Variants in GABRE observed in about 807,000 individuals in gnomAD.
GABRE encodes the protein gamma-aminobutyric acid type A receptor subunit epsilon, also known as gamma-aminobutyric acid receptor subunit epsilon.
In GABRE, 20 loss-of-function variants were observed where a neutral mutation model predicts 31.0. That is an observed-to-expected ratio of 0.64 (90% CI 0.45 to 0.94). GABRE has a LOEUF of 0.94. Ranked by LOEUF, GABRE falls within the 40% of genes least tolerant of loss-of-function variation. GABRE has a pLI of 0.00. For missense variants in GABRE, 420 were observed against 410.7 expected (o/e 1.02, Z -0.20); for synonymous variants, 155 against 150.6 (o/e 1.03, Z -0.21).
chrX:151,963,805 CAT>C (rs776580830), intron 3 of GABRE, among the ~76,000 whole-genome samples: 3 of 112,290 alleles, frequency 2.7e-5, no homozygotes, highest in East Asian at 2.8e-4. Context: ...TTCATTAGCA[CAT>C]GTTTCAGGTT....
Position 151,974,671 on chromosome X carries a change from C to T in GABRE, c.-46G>A, listed in dbSNP as rs771298867. Reference sequence around the variant, plus strand: ...CCACCTGCGCGGAGGTCGCGGCTCACGCTCTGGCCGCACTGAGCGCGGGGC... The same window carrying T: ...CCACCTGCGCGGAGGTCGCGGCTCATGCTCTGGCCGCACTGAGCGCGGGGC... On this transcript the variant is annotated 5_prime_UTR_variant, in exon 1 of 9. The change creates a new upstream start codon in the 5' untranslated region. Coordinates refer to ENST00000370328, the MANE Select transcript of GABRE (RefSeq NM_004961.4). 25 of 988,722 alleles carry T rather than the reference C, an allele frequency of 2.5e-5. No homozygotes were observed. In the Admixed American group the frequency reaches 6.4e-4, roughly 25 times the overall value. The allele number at this position is 988,722 out of a possible 1,213,427, so 81.5% of individuals were successfully genotyped here.
At chrX:151,957,782 A>T in intron 6 of GABRE, 1 of 219,088 alleles carries the variant, frequency 4.6e-6, no homozygotes, top group South Asian at 5.9e-5. Flanking sequence ...TATATGCTAA[A>T]GATGGTTTTC....
chrX:151,970,287 C>CA lies in GABRE; in HGVS notation c.171dup (p.Glu58Ter). The CA allele has an allele frequency of 8.2e-7, 1 of 1,212,195 alleles. No homozygotes were observed. The highest frequency in any genetic ancestry group is 1.1e-6 in the Non-Finnish European group (1 of 895,685). On this transcript the variant is annotated frameshift_variant, in exon 2 of 9. Coordinates refer to ENST00000370328, the MANE Select transcript of GABRE (RefSeq NM_004961.4). LOFTEE classifies it high-confidence loss of function. ...CCAACTCTGCTCCCAGTCTCAGTCTCAGTTGACTTTGTTTCCTCAGAGAGG... is the reference window on the plus strand; with the variant it reads ...CCAACTCTGCTCCCAGTCTCAGTCTCAAGTTGACTTTGTTTCCTCAGAGAGG...
chrX:151,953,518 G>T lies in GABRE; in HGVS notation c.*1183C>A, dbSNP rs1202208510. ...AGTCCCACAGAAATCTGTGACTCAG[G>T]GTTTTCATCTGCAAAATGGGGATAA... On this transcript the variant is annotated 3_prime_UTR_variant, in exon 9 of 9. Coordinates refer to ENST00000370328, the MANE Select transcript of GABRE (RefSeq NM_004961.4). 2 of 111,982 alleles carry T rather than the reference G, an allele frequency of 1.8e-5. No homozygotes were observed. Among genetic ancestry groups the T allele is most frequent in the African/African-American group, 6.5e-5 (2 of 30,697 alleles). 9.2% of individuals were successfully genotyped at this position (111,982 alleles called of 1,213,427 possible). A position where few individuals can be genotyped will look rare whatever the true frequency, so the allele number is the denominator to read the frequency against.
chrX:151,961,838 AAAACAAAAC>A (rs1934386540), intron 4 of GABRE, among the ~76,000 whole-genome samples: 2 of 111,798 alleles, frequency 1.8e-5, no homozygotes, highest in African/African-American at 6.5e-5. Context: ...AAAACAAAAC[AAAACAAAAC>A]AAACAAACAG....
intron 1 of GABRE, chrX:151,972,498 C>T: frequency 1.3e-6 from 1 of 753,764 alleles, no homozygotes; most frequent in Non-Finnish European, 1.6e-6. Flanking sequence ...CACTGCCAGA[C>T]AGGACCACCT....
Position 151,970,392 on chromosome X carries a change from G to A in GABRE, c.67C>T (p.Pro23Ser), listed in dbSNP as rs1308968885. 8.3e-7 allele frequency: 1 copy of A among 1,210,475 alleles called. No individual in the cohort carries two copies. Among genetic ancestry groups the A allele is most frequent in the Non-Finnish European group, 1.1e-6 (1 of 895,329 alleles). Reference protein sequence around the residue: ...LLILQSRVEGPQTESKNEASS... With the variant: ...LLILQSRVEGSQTESKNEASS... Reference sequence around the variant, plus strand: ...GCTTCATTCTTTGATTCAGTCTGAGGTCCCTCGACCCTAGAACATTCAAAC... The same window carrying A: ...GCTTCATTCTTTGATTCAGTCTGAGATCCCTCGACCCTAGAACATTCAAAC... The change falls in exon 2 of 9, where the codon CCT becomes TCT. Residue 23 changes from proline to serine, a missense_variant. Pro to Ser is a moderately conservative substitution (Grantham distance 74). Transcript: ENST00000370328.
At chrX:151,971,687 C>G (rs1339821546) in intron 1 of GABRE, 1 of 112,654 alleles carries the variant, frequency 8.9e-6, no homozygotes, top group African/African-American at 3.3e-5. Flanking sequence ...CACTGTTCCC[C>G]CTACCTTTAT....
chrX:151,969,153 C>T lies in GABRE; in HGVS notation c.342+516G>A, dbSNP rs140335433. ...TACAACCATGGAGGGCCTTCAACTG[C>T]ATGTAGTAAGCAGTGCTGGGACTGC... On this transcript the variant is annotated intron_variant, in intron 3 of 8. Coordinates refer to ENST00000370328, the MANE Select transcript of GABRE (RefSeq NM_004961.4). 9.1e-3 allele frequency among the ~76,000 whole-genome samples: 1,020 copies of T among 111,581 alleles called. 10 individuals are homozygous for T. The highest frequency in any genetic ancestry group is 0.032 in the African/African-American group (970 of 30,659).
rs192988477 is a variant in GABRE at position 151,957,693 on chromosome X, C to T, written c.785-1833G>A. 2.3e-3 allele frequency: 547 copies of T among 237,269 alleles called. 1 individual carries two copies. The highest frequency in any genetic ancestry group is 4.6e-3 in the Middle Eastern group (3 of 654). 19.6% of individuals were successfully genotyped at this position (237,269 alleles called of 1,213,427 possible). ...GACAAGAGAAAGATGCTAACACACA[C>T]TTTCTTCTTCTTGAGGAGTGAGAGA... On this transcript the variant is annotated intron_variant, in intron 6 of 8. Coordinates refer to ENST00000370328, the MANE Select transcript of GABRE (RefSeq NM_004961.4).
intron 8 of GABRE, 128 bp downstream of exon 8, chrX:151,955,240 C>A: frequency 8.4e-7 from 1 of 1,187,301 alleles, no homozygotes; most frequent in South Asian, 1.9e-5. Context: ...TGATTCAACC[C>A]CGCCACCACC....
intron 3 of GABRE, among the ~76,000 whole-genome samples, chrX:151,965,588 C>T (rs960348168): frequency 5.3e-5 from 6 of 112,466 alleles, no homozygotes; most frequent in African/African-American, 1.9e-4. Flanking sequence ...GCAGCCTGGC[C>T]CTGGGATGGC....
chrX:151,957,382 T>C (rs1349872147), intron 6 of GABRE: 3 of 316,524 alleles, frequency 9.5e-6, no homozygotes, highest in African/African-American at 5.4e-5. Flanking sequence ...GTGTTGAGTA[T>C]AGCTTTGGGA....
chrX:151,969,926 A>T (rs934319504), intron 2 of GABRE, 190 bp from the exon 3 acceptor site: 85 of 1,072,808 alleles, frequency 7.9e-5, no homozygotes, highest in Non-Finnish European at 9.8e-5. Context: ...AATTGGACAC[A>T]CATCTTGAAG....
At position 151,974,664 on chromosome X, in the gene GABRE, C is replaced by G. The variant is rs1569456519; in HGVS notation, c.-39G>C. 2 of 1,063,313 alleles carry G rather than the reference C, an allele frequency of 1.9e-6. No homozygotes were observed. The highest frequency in any genetic ancestry group is 2.0e-5 in the South Asian group (1 of 49,035). The allele number at this position is 1,063,313 out of a possible 1,213,427, so 87.6% of individuals were successfully genotyped here. ...GGCGCGACCACCTGCGCGGAGGTCG[C>G]GGCTCACGCTCTGGCCGCACTGAGC... On this transcript the variant is annotated 5_prime_UTR_variant, in exon 1 of 9. Coordinates refer to ENST00000370328, the MANE Select transcript of GABRE (RefSeq NM_004961.4).
At chrX:151,965,719 C>T (rs6526065) in intron 3 of GABRE, among the ~76,000 whole-genome samples, 2,052 of 113,086 alleles carry the variant, frequency 0.018, 59 homozygotes, top group African/African-American at 0.063. Flanking sequence ...TGGAGGCGGG[C>T]ACAGCCCTCG....
At chrX:151,973,182 A>G (rs1446405074) in intron 1 of GABRE, among the ~76,000 whole-genome samples, 3 of 110,716 alleles carry the variant, frequency 2.7e-5, no homozygotes, top group Non-Finnish European at 5.7e-5. Context: ...GTGGCCCAGT[A>G]CACCCCATTG....
chrX:151,974,492 GGTCCCGGGAGCC>G, intron 1 of GABRE, 66 bp downstream of exon 1: 2 of 677,079 alleles, frequency 3.0e-6, no homozygotes, highest in Non-Finnish European at 2.1e-6. Flanking sequence ...GGGCCGCTGG[GGTCCCGGGAGCC>G]GTCCCGGCTC....
chrX:151,966,836 CTT>C (rs1934540010), intron 3 of GABRE, among the ~76,000 whole-genome samples: 1 of 112,230 alleles, frequency 8.9e-6, no homozygotes, highest in South Asian at 3.7e-4. Flanking sequence ...GTTGCTGTCT[CTT>C]TTCTGAACCA....
Sources: allele counts gnomAD v4.1 joint callset (sites outside exome capture counted in the v4.1 genomes callset), GRCh38; gene constraint gnomAD v4.1.1; transcripts MANE v1.5; gene names NCBI Gene and HGNC (gene_info 2026-07-23, HGNC 2026-07-21).